ADAM32: variants seen among roughly 807,000 people sequenced by gnomAD.
ADAM32 encodes the protein disintegrin and metalloproteinase domain-containing protein 32.
In ADAM32, 89 loss-of-function variants were observed where a neutral mutation model predicts 114.9. That is an observed-to-expected ratio of 0.77 (90% CI 0.65 to 0.92). ADAM32 has a LOEUF of 0.92. ADAM32 is among the 40% of genes least tolerant of loss of function. ADAM32 has a pLI of 0.00. For synonymous variants in ADAM32, 285 were observed against 307.5 expected (o/e 0.93, Z 0.77); for missense variants, 870 against 932.8 (o/e 0.93, Z 0.88).
At chr8:39,149,669 A>G (rs544129060) in intron 4 of ADAM32, 122 bp from the exon 5 acceptor site, 17 of 661,386 alleles carry the variant, frequency 2.6e-5, no homozygotes, top group East Asian at 2.0e-4. Context: ...CCTTACTTGT[A>G]CTGATATAAA....
At chr8:39,143,386 G>A (rs1803296602) in intron 3 of ADAM32, among the ~76,000 whole-genome samples, 1 of 152,130 alleles carries the variant, frequency 6.6e-6, no homozygotes, top group Non-Finnish European at 1.5e-5. Flanking sequence ...CCCACAGATG[G>A]GGTTTTGGTG....
At chr8:39,273,314 T>A (rs985311881) in intron 20 of ADAM32, among the ~76,000 whole-genome samples, 4 of 152,006 alleles carry the variant, frequency 2.6e-5, no homozygotes, top group African/African-American at 9.7e-5. Flanking sequence ...GAAACTAGCC[T>A]AGCCAACATG....
At chr8:39,205,002 G>T (rs1169170990) in intron 11 of ADAM32, among the ~76,000 whole-genome samples, 1 of 152,170 alleles carries the variant, frequency 6.6e-6, no homozygotes, top group Non-Finnish European at 1.5e-5. Flanking sequence ...TGTCTCAGAG[G>T]GGTACTTGGC....
At position 39,169,916 on chromosome 8, in the gene ADAM32, T is replaced by C. The variant is rs760371311; in HGVS notation, c.834T>C (p.Ile278=). 2 of 1,562,804 alleles carry C rather than the reference T, an allele frequency of 1.3e-6. No homozygotes were observed. Among genetic ancestry groups the C allele is most frequent in the Admixed American group, 1.7e-5 (1 of 58,506 alleles). The change falls in exon 10 of 25, where the codon ATT becomes ATC. Residue 278 remains isoleucine (I), a splice_region_variant and synonymous_variant. Coordinates refer to ENST00000379907, the MANE Select transcript of ADAM32 (RefSeq NM_145004.7). Reference sequence around the variant, plus strand: ...TATAAATGTAAATTTATTTATTTAGTTATATGGATTATCCTCGTTATTTGG... The same window carrying C: ...TATAAATGTAAATTTATTTATTTAGCTATATGGATTATCCTCGTTATTTGG... The part of the protein sequence containing the change: ...LRPHDIAYLL[I]YMDYPRYLGA...
intron 4 of ADAM32, among the ~76,000 whole-genome samples, chr8:39,147,981 G>T (rs1365016451): frequency 6.6e-6 from 1 of 151,932 alleles, no homozygotes; most frequent in Admixed American, 6.6e-5. Context: ...GTTTCACCAT[G>T]TTGGCCAGGC....
chr8:39,129,945 A>G, intron 2 of ADAM32: 1 of 322,554 alleles, frequency 3.1e-6, no homozygotes, highest in South Asian at 2.4e-5. Flanking sequence ...AAAATTGTAC[A>G]TCACATTTCC....
intron 10 of ADAM32, among the ~76,000 whole-genome samples, chr8:39,177,988 G>A (rs1005988897): frequency 6.6e-6 from 1 of 151,682 alleles, no homozygotes; most frequent in African/African-American, 2.4e-5. Context: ...CTGATGATTG[G>A]GTGTCTTGGG....
chr8:39,179,298 C>T (rs551850106), intron 10 of ADAM32, among the ~76,000 whole-genome samples: 9 of 152,308 alleles, frequency 5.9e-5, no homozygotes, highest in Admixed American at 2.0e-4. Context: ...GAACTTAGTC[C>T]GTCTCAGTCA....
At chr8:39,256,673 G>A (rs1476275671) in intron 18 of ADAM32, among the ~76,000 whole-genome samples, 4 of 152,008 alleles carry the variant, frequency 2.6e-5, no homozygotes, top group Admixed American at 6.6e-5. Context: ...TCCAGTGATA[G>A]CAAGGGACAG....
At chr8:39,221,417 T>C in intron 12 of ADAM32, 193 bp from the exon 13 acceptor site, 1 of 531,746 alleles carries the variant, frequency 1.9e-6, no homozygotes, top group Non-Finnish European at 3.4e-6. Flanking sequence ...GGTTACTAGT[T>C]ACTCTCTTGT....
At chr8:39,171,471 T>C (rs1805187798) in intron 10 of ADAM32, among the ~76,000 whole-genome samples, 1 of 152,182 alleles carries the variant, frequency 6.6e-6, no homozygotes, top group African/African-American at 2.4e-5. Context: ...TAGCTCTCTC[T>C]ATATATATTT....
intron 2 of ADAM32, among the ~76,000 whole-genome samples, chr8:39,135,610 A>G (rs1802752858): frequency 6.6e-6 from 1 of 152,160 alleles, no homozygotes; most frequent in South Asian, 2.1e-4. Flanking sequence ...TTTGTCTTCT[A>G]CTGTCCATTT....
At chr8:39,243,621 G>A (rs547884357) in intron 16 of ADAM32, among the ~76,000 whole-genome samples, 95 of 152,196 alleles carry the variant, frequency 6.2e-4, no homozygotes, top group Middle Eastern at 3.4e-3. Flanking sequence ...GCATAGAAGG[G>A]ACATACCTTA....
intron 21 of ADAM32, among the ~76,000 whole-genome samples, 187 bp from the exon 22 acceptor site, chr8:39,275,641 G>T (rs1813026808): frequency 6.6e-6 from 1 of 152,160 alleles, no homozygotes; most frequent in African/African-American, 2.4e-5. Context: ...TATGGACATT[G>T]TATATGAATA....
intron 3 of ADAM32, among the ~76,000 whole-genome samples, chr8:39,137,858 T>C (rs1802900010): frequency 6.6e-6 from 1 of 152,104 alleles, no homozygotes; most frequent in Non-Finnish European, 1.5e-5. Context: ...CTTACTCTTT[T>C]AGGCAGAAGA....
At chr8:39,252,809 C>T (rs1425482491) in intron 17 of ADAM32, among the ~76,000 whole-genome samples, 1 of 151,320 alleles carries the variant, frequency 6.6e-6, no homozygotes, top group Non-Finnish European at 1.5e-5. Flanking sequence ...GTTGGATAAC[C>T]TAGAAGAAAT....
In ADAM32 at chr8:39,251,391, G is replaced by C. The variant is rs571502166; in HGVS notation, c.1903-3023G>C. ...GTCTTTTTGTTACAAAAAAAAAATG[G>C]CTTTTATAAGCCATTTTAACTGGAT... On this transcript the variant is annotated intron_variant, in intron 17 of 24. Transcript: ENST00000379907. Among the ~76,000 whole-genome samples, 171 of 151,362 alleles carry C rather than the reference G, an allele frequency of 1.1e-3. 2 individuals carry two copies. The highest frequency in any genetic ancestry group is 3.9e-3 in the South Asian group (19 of 4,812).
chr8:39,124,958 C>T (rs1209267043), intron 2 of ADAM32, among the ~76,000 whole-genome samples: 2 of 152,126 alleles, frequency 1.3e-5, no homozygotes, highest in Admixed American at 6.5e-5. Context: ...ATTTACATTC[C>T]CCCCAACAGT....
At chr8:39,265,965 T>C (rs953479052) in intron 19 of ADAM32, among the ~76,000 whole-genome samples, 1 of 152,210 alleles carries the variant, frequency 6.6e-6, no homozygotes, top group Non-Finnish European at 1.5e-5. Flanking sequence ...AAATTTCCTT[T>C]CTTTAAGGAT....
Sources: allele counts gnomAD v4.1 joint callset (sites outside exome capture counted in the v4.1 genomes callset), GRCh38; gene constraint gnomAD v4.1.1; transcripts MANE v1.5; gene names NCBI Gene and HGNC (gene_info 2026-07-23, HGNC 2026-07-21).